Variants in CPEB1 observed in about 807,000 individuals in gnomAD.
The protein encoded by CPEB1 is cytoplasmic polyadenylation element-binding protein 1.
In CPEB1, 7 loss-of-function variants were observed where a neutral mutation model predicts 65.8. The observed-to-expected ratio is 0.11, with a 90% CI of 0.06 to 0.20. The LOEUF is 0.20. CPEB1 is among the 10% of genes least tolerant of loss of function. The pLI, the probability that CPEB1 is intolerant of heterozygous loss-of-function variation, is 1.00. For synonymous variants in CPEB1, 262 were observed against 260.0 expected, an observed-to-expected ratio of 1.01 and a Z score of -0.08; for missense variants, 551 against 712.2, an observed-to-expected ratio of 0.77 and a Z score of 2.58.
intron 3 of CPEB1, among the ~76,000 whole-genome samples, chr15:82,615,615 T>C (rs2044635918): frequency 1.3e-5 from 2 of 152,174 alleles, no homozygotes; most frequent in African/African-American, 4.8e-5. Context: ...TTATTTTAAC[T>C]TCAGAAAATA....
chr15:82,607,496 G>A (rs2043730314), intron 3 of CPEB1, among the ~76,000 whole-genome samples: 1 of 152,114 alleles, frequency 6.6e-6, no homozygotes, highest in Non-Finnish European at 1.5e-5. Flanking sequence ...GCTGAGACAG[G>A]AGAATTGCTT....
chr15:82,648,006 A>G (rs1368343645), upstream of CPEB1: 3 of 659,390 alleles, frequency 4.5e-6, no homozygotes, highest in African/African-American at 3.8e-5. Context: ...AGCTCCTACG[A>G]GCCGCTCCTC....
At chr15:82,639,948 T>C (rs768630455) in intron 1 of CPEB1, among the ~76,000 whole-genome samples, 3 of 152,206 alleles carry the variant, frequency 2.0e-5, no homozygotes, top group African/African-American at 4.8e-5. Context: ...AATTAAACTA[T>C]GTCCTGTTTA....
chr15:82,606,817 C>CAAAAAAAAAAAAAAAAAA (rs56078202), intron 3 of CPEB1, among the ~76,000 whole-genome samples: 11 of 82,966 alleles, frequency 1.3e-4, no homozygotes, highest in African/African-American at 4.8e-4. Flanking sequence ...GACTCCGTCT[C>CAAAAAAAAAAAAAAAAAA]AAAAAAAAAA....
At chr15:82,557,196 A>G (rs1446445804) in intron 5 of CPEB1, among the ~76,000 whole-genome samples, 3 of 152,228 alleles carry the variant, frequency 2.0e-5, no homozygotes, top group African/African-American at 7.2e-5. Flanking sequence ...ATGGCTGTAG[A>G]TAAGGAACGT....
At chr15:82,608,702 T>TA (rs2043856326) in intron 3 of CPEB1, among the ~76,000 whole-genome samples, 1 of 152,240 alleles carries the variant, frequency 6.6e-6, no homozygotes, top group Non-Finnish European at 1.5e-5. Flanking sequence ...CATTGGTTTT[T>TA]ATGTAGGAAG....
intron 3 of CPEB1, among the ~76,000 whole-genome samples, chr15:82,610,311 G>A (rs2044008902): frequency 6.6e-6 from 1 of 152,126 alleles, no homozygotes; most frequent in South Asian, 2.1e-4. Flanking sequence ...TTATTCACAT[G>A]TACTTTTCCA....
At chr15:82,633,870 A>G (rs139891733) in intron 1 of CPEB1, among the ~76,000 whole-genome samples, 1 of 152,182 alleles carries the variant, frequency 6.6e-6, no homozygotes, top group Non-Finnish European at 1.5e-5. Context: ...AGTGGGAATC[A>G]TTGTTTTGAA....
chr15:82,577,562 C>CA (rs2040799120), intron 3 of CPEB1, among the ~76,000 whole-genome samples: 2 of 152,158 alleles, frequency 1.3e-5, no homozygotes, highest in Admixed American at 1.3e-4. Context: ...CTCTGTCAGG[C>CA]GGGAATGCAG....
At chr15:82,647,764 G>T, upstream of CPEB1, 7 of 1,127,936 alleles carry the variant, frequency 6.2e-6, 1 homozygote, top group South Asian at 2.0e-4. Flanking sequence ...GGGGGATGGG[G>T]GTACCGCGGC....
chr15:82,559,252 A>C (rs889525945), intron 4 of CPEB1, among the ~76,000 whole-genome samples: 1 of 152,184 alleles, frequency 6.6e-6, no homozygotes, highest in African/African-American at 2.4e-5. Context: ...TGGAACATAT[A>C]CACAAGATCC....
intron 10 of CPEB1, 97 bp from the exon 11 acceptor site, chr15:82,547,334 T>C (rs1355318584): frequency 2.8e-6 from 2 of 702,176 alleles, no homozygotes; most frequent in East Asian, 5.5e-5. Flanking sequence ...TCTCGCTCTT[T>C]CGCCCAGGCT....
At chr15:82,609,163 C>T (rs1322264677) in intron 3 of CPEB1, among the ~76,000 whole-genome samples, 6 of 152,234 alleles carry the variant, frequency 3.9e-5, no homozygotes, top group South Asian at 2.1e-4. Flanking sequence ...CTAAAACTTA[C>T]GGCATGCAAT....
chr15:82,565,699 G>C (rs1327467366), intron 4 of CPEB1, among the ~76,000 whole-genome samples: 1 of 152,208 alleles, frequency 6.6e-6, no homozygotes, highest in Admixed American at 6.5e-5. Context: ...AAGTCCTAGA[G>C]TCAATCTCCA....
intron 3 of CPEB1, among the ~76,000 whole-genome samples, chr15:82,620,279 G>C (rs1057443869): frequency 6.6e-6 from 1 of 152,056 alleles, no homozygotes; most frequent in African/African-American, 2.4e-5. Context: ...ACAAAAATTA[G>C]CCGGGTGTGG....
rs891511288 is a variant in CPEB1 at position 82,591,511 on chromosome 15, C to A, written c.272-19979G>T. On this transcript the variant is annotated intron_variant, in intron 3 of 12. Coordinates refer to ENST00000684509, the MANE Select transcript of CPEB1 (RefSeq NM_001365242.1). ...CAAACTCCTGACCTCAGGTGATCCGCCCACCTCGGCCTCCCAAAGTGCTGG... is the reference window on the plus strand; with the variant it reads ...CAAACTCCTGACCTCAGGTGATCCGACCACCTCGGCCTCCCAAAGTGCTGG... 7.9e-5 allele frequency among the ~76,000 whole-genome samples: 12 copies of A among 152,308 alleles called. No homozygotes were observed. In the South Asian group the frequency reaches 8.3e-4, roughly 11 times the overall value.
chr15:82,612,510 A>AC (rs1567221502), intron 3 of CPEB1, among the ~76,000 whole-genome samples: 15 of 50,188 alleles, frequency 3.0e-4, no homozygotes, highest in African/African-American at 6.1e-4. Context: ...AAAAAAAAAC[A>AC]AAAAAAAAAA....
intron 3 of CPEB1, among the ~76,000 whole-genome samples, chr15:82,617,678 T>G (rs866152106): frequency 6.6e-6 from 1 of 151,718 alleles, no homozygotes; most frequent in Non-Finnish European, 1.5e-5. Flanking sequence ...GAATTCTCTA[T>G]GCTAGCTTTG....
At chr15:82,632,292 A>AT (rs2046327393) in intron 1 of CPEB1, among the ~76,000 whole-genome samples, 1 of 151,924 alleles carries the variant, frequency 6.6e-6, no homozygotes, top group Admixed American at 6.6e-5. Context: ...AAATTCATTT[A>AT]TTTTTTATAT....
Sources: gnomAD v4.1 joint callset for allele counts (sites outside exome capture counted in the v4.1 genomes callset) on GRCh38, gnomAD v4.1.1 for gene constraint, MANE v1.5 for transcripts, NCBI Gene and HGNC (gene_info 2026-07-23, HGNC 2026-07-21) for gene names.